Variants in LRRK2 observed in about 807,000 individuals in gnomAD.
LRRK2 encodes leucine rich repeat kinase 2, also known as leucine-rich repeat serine/threonine-protein kinase 2.
A neutral mutation model predicts 302.6 loss-of-function variants in LRRK2; 203 were observed. The observed-to-expected ratio is 0.67, with a 90% CI of 0.60 to 0.75. The LOEUF (loss-of-function observed/expected upper bound fraction) is 0.75. LRRK2 is among the 30% of genes least tolerant of loss of function. The probability of loss-of-function intolerance (pLI) is 0.00; values close to 1 mark genes in which losing one functional copy is unlikely to be tolerated. For missense variants in LRRK2, 2,830 were observed against 2,951.0 expected (o/e 0.96, Z 0.95); for synonymous variants, 1,066 against 1,031.9 (o/e 1.03, Z -0.63).
At chr12:40,240,341 T>C in intron 5 of LRRK2, 142 bp from the exon 6 acceptor site, 1 of 774,114 alleles carries the variant, frequency 1.3e-6, no homozygotes, top group Non-Finnish European at 2.1e-6. Flanking sequence ...TAGGAAGGGC[T>C]GCTTCACAGA....
rs1470271614 is a variant in LRRK2 at position 40,277,941 on chromosome 12, G to T, written c.1995G>T (p.Leu665=). The change falls in exon 17 of 51, where the codon CTG becomes CTT. Residue 665 remains leucine, a synonymous_variant. Transcript: ENST00000298910. ...AATTGTCAGCATCTTTTTCTAAGCT[G>T]CTGGTGCATCATTCATTTGACTTAG... ...ILKLSASFSK[L]LVHHSFDLVI... 5 of 1,612,618 alleles carry T rather than the reference G, an allele frequency of 3.1e-6. No individual in the cohort carries two copies. The Admixed American group carries it at 6.7e-5, about 22-fold the overall frequency.
At chr12:40,245,283 A>G (rs1467488028) in intron 7 of LRRK2, among the ~76,000 whole-genome samples, 1 of 152,034 alleles carries the variant, frequency 6.6e-6, no homozygotes, top group African/African-American at 2.4e-5. Context: ...GCTAGTTACC[A>G]TCACAGCACA....
intron 31 of LRRK2, among the ~76,000 whole-genome samples, chr12:40,311,152 C>G (rs1194401413): frequency 4.0e-5 from 6 of 151,832 alleles, no homozygotes; most frequent in Non-Finnish European, 8.8e-5. Flanking sequence ...AATTTTTTTC[C>G]CTCCGTATTG....
intron 47 of LRRK2, among the ~76,000 whole-genome samples, chr12:40,361,991 T>C (rs1449968761): frequency 1.3e-5 from 2 of 152,216 alleles, no homozygotes; most frequent in African/African-American, 4.8e-5. Flanking sequence ...AGCATGATGT[T>C]AGTCATAGGA....
At chr12:40,355,666 C>G (rs17520543) in intron 45 of LRRK2, among the ~76,000 whole-genome samples, 5 of 151,972 alleles carry the variant, frequency 3.3e-5, no homozygotes, top group African/African-American at 1.2e-4. Flanking sequence ...CCTCAGCCTC[C>G]TGAGTAGCTG....
chr12:40,292,887 A>G (rs539948860), intron 20 of LRRK2, among the ~76,000 whole-genome samples: 1 of 152,130 alleles, frequency 6.6e-6, no homozygotes, highest in African/African-American at 2.4e-5. Flanking sequence ...ATTTTATAAA[A>G]CAATTATTGC....
intron 25 of LRRK2, among the ~76,000 whole-genome samples, chr12:40,302,185 A>G (rs941233732): frequency 6.6e-6 from 1 of 151,996 alleles, no homozygotes; most frequent in Non-Finnish European, 1.5e-5. Flanking sequence ...CTCAAATAAC[A>G]ATAATAATAA....
chr12:40,278,025 T>A lies in LRRK2; in HGVS notation c.2070+9T>A, dbSNP rs201389324. 21 of 1,613,698 alleles carry A rather than the reference T, an allele frequency of 1.3e-5. No homozygotes were observed. The highest frequency in any genetic ancestry group is 1.7e-5 in the Admixed American group (1 of 60,004). The stretch of plus-strand genomic sequence containing the variant: ...AACAAAAGGATCAACAGGTACAGTG[T>A]TTTTCACTTGCATCCTAAATGTTAT... On this transcript the variant is annotated intron_variant, in intron 17 of 50. Coordinates refer to ENST00000298910, the MANE Select transcript of LRRK2 (RefSeq NM_198578.4).
In LRRK2 at chr12:40,354,403, C is replaced by G. The variant is rs370765940; in HGVS notation, c.6681C>G (p.Ile2227Met). 3 of 1,613,938 alleles carry G rather than the reference C, an allele frequency of 1.9e-6. No individual in the cohort carries two copies. The highest frequency in any genetic ancestry group is 2.7e-5 in the African/African-American group (2 of 74,912). The change falls in exon 45 of 51, where the codon ATC (isoleucine) becomes ATG (methionine). Residue 2227 changes from isoleucine (I) to methionine (M), a missense_variant. Physicochemically the swap from Ile to Met is conservative, Grantham distance 10. Around this residue, in one of 3 missense-constraint regions of LRRK2, gnomAD observed 456 missense variants for 456.3 expected, o/e 1.00. Transcript: ENST00000298910. The stretch of plus-strand genomic sequence containing the variant: ...CACAGTCTGGTACTCTCCTGGTCAT[C>G]AATACCGAAGATGGGAAAAAGAGAC... ...SGTQSGTLLV[I>M]NTEDGKKRHT...
intron 44 of LRRK2, 110 bp from the exon 45 acceptor site, chr12:40,354,189 G>A: frequency 1.1e-6 from 1 of 900,072 alleles, no homozygotes. Flanking sequence ...TAAAAGTAAT[G>A]CAAGAAAGCA....
In LRRK2 at chr12:40,259,577, C is replaced by A; in HGVS notation, c.1516C>A (p.Arg506=). 6.2e-7 allele frequency: 1 copy of A among 1,613,158 alleles called. No individual in the cohort carries two copies. Among genetic ancestry groups the A allele is most frequent in the Non-Finnish European group, 8.5e-7 (1 of 1,179,374 alleles). Residue 506 remains arginine, a synonymous_variant, in exon 13 of 51, where the codon CGA becomes AGA. Transcript: ENST00000298910. ...ATTACCAGTGCAGCTGGAGGCGCTT[C>A]GAGCTATTTTACATTTTATAGTGCC... ...TSLPVQLEAL[R]AILHFIVPGM...
intron 7 of LRRK2, among the ~76,000 whole-genome samples, chr12:40,247,388 C>T (rs1176745120): frequency 1.3e-5 from 2 of 149,584 alleles, no homozygotes; most frequent in African/African-American, 4.9e-5. Flanking sequence ...TTCATAGCTT[C>T]CAAAGTGTAT....
At chr12:40,230,403 A>T (rs183047734) in intron 2 of LRRK2, among the ~76,000 whole-genome samples, 2 of 152,128 alleles carry the variant, frequency 1.3e-5, no homozygotes, top group Non-Finnish European at 2.9e-5. Context: ...GCAATATTCA[A>T]CTTTACTTAT....
chr12:40,277,869 T>A lies in LRRK2; in HGVS notation c.1942-19T>A, dbSNP rs772175899. On this transcript the variant is annotated intron_variant, in intron 16 of 50. Coordinates refer to ENST00000298910, the MANE Select transcript of LRRK2 (RefSeq NM_198578.4). ...GCCTGTAATTGCTTATTTTATTATT[T>A]TTTTTCTTATACTTTTAGGGATTTC... The A allele has an allele frequency of 1.6e-5, 25 of 1,573,892 alleles. No homozygotes were observed. The East Asian group carries it at 2.1e-4, about 13-fold the overall frequency.
chr12:40,300,335 G>A (rs907291396), intron 25 of LRRK2, among the ~76,000 whole-genome samples: 2 of 152,124 alleles, frequency 1.3e-5, no homozygotes, highest in African/African-American at 2.4e-5. Flanking sequence ...TATCCTAAAT[G>A]AACATTTTAA....
At chr12:40,316,379 C>A (rs1414979544) in intron 33 of LRRK2, 78 of 973,686 alleles carry the variant, frequency 8.0e-5, no homozygotes, top group Non-Finnish European at 8.4e-5. Flanking sequence ...CAATTATTTG[C>A]AGTGTGTCAG....
chr12:40,348,462 A>T lies in LRRK2; in HGVS notation c.6334A>T (p.Lys2112Ter). Residue 2112 changes from lysine to a stop codon, truncating the protein, a stop_gained, in exon 43 of 51, where the codon AAA (lysine) becomes TAA (stop). Coordinates refer to ENST00000298910, the MANE Select transcript of LRRK2 (RefSeq NM_198578.4). LOFTEE classifies it high-confidence loss of function. ...ATGGCCTATGGTTGAGAAATTAATT[A>T]AACAGTGTTTGAAAGAAAATCCTCA... Reference protein sequence around the residue: ...APWPMVEKLIKQCLKENPQER... With the variant: ...APWPMVEKLI The T allele has an allele frequency of 6.2e-7, 1 of 1,613,056 alleles. No individual in the cohort carries two copies. The highest frequency in any genetic ancestry group is 8.5e-7 in the Non-Finnish European group (1 of 1,179,252).
rs1343698159 is a variant in LRRK2 at position 40,238,020 on chromosome 12, T to G, written c.488T>G (p.Ile163Ser). The G allele has an allele frequency of 6.2e-7, 1 of 1,613,438 alleles. No homozygotes were observed. The highest frequency in any genetic ancestry group is 1.1e-5 in the South Asian group (1 of 91,062). Residue 163 changes from isoleucine (I) to serine (S), a missense_variant, in exon 5 of 51, where the codon ATT (isoleucine) becomes AGT (serine). By Grantham distance (142) the Ile-to-Ser change is moderately radical. This residue lies in a region of LRRK2 where 2,121 missense variants were observed against 2,148.0 expected (regional missense o/e 0.99). Transcript: ENST00000298910. Reference protein sequence around the residue: ...LDEESDIFMLIFDAMHSFPAN... With the variant: ...LDEESDIFMLSFDAMHSFPAN... ...GAAGAAAGTGATATTTTCATGTTAA[T>G]TTTTGATGCCATGCACTCATTTCCA...
At chr12:40,289,191 G>A (rs534498268) in intron 20 of LRRK2, among the ~76,000 whole-genome samples, 2 of 151,776 alleles carry the variant, frequency 1.3e-5, no homozygotes, top group Admixed American at 1.3e-4. Context: ...TGAATTAATG[G>A]AAGCTTTGTT....
Sources: allele counts gnomAD v4.1 joint callset (sites outside exome capture counted in the v4.1 genomes callset), GRCh38; gene constraint gnomAD v4.1.1; regional missense constraint gnomAD v4.1.1; transcripts MANE v1.5; gene names NCBI Gene and HGNC (gene_info 2026-07-23, HGNC 2026-07-21).